Variants in FARSA observed in about 807,000 individuals in gnomAD.
The protein encoded by FARSA is phenylalanyl-tRNA synthetase subunit alpha.
Under a neutral mutation model 63.2 loss-of-function variants are expected in FARSA, and 37 were observed. That is an observed-to-expected ratio of 0.59 (90% CI 0.45 to 0.77). The LOEUF is 0.77. FARSA is among the 30% of genes least tolerant of loss of function. The pLI is 0.00. For synonymous variants in FARSA, 312 were observed against 285.1 expected (o/e 1.09, Z -0.95); for missense variants, 618 against 696.6 (o/e 0.89, Z 1.27).
At chr19:12,930,036 C>A (rs1412027339) in intron 4 of FARSA, among the ~76,000 whole-genome samples, 187 bp downstream of exon 4, 1 of 152,166 alleles carries the variant, frequency 6.6e-6, no homozygotes, top group Non-Finnish European at 1.5e-5. Context: ...GAAAACAGTT[C>A]TCAGCAGAAG....
In FARSA at chr19:12,924,533, GA is replaced by G. The variant is rs1971302230; in HGVS notation, c.1196-8del. ...AAGCGGAGTTGCGTGATACCTGCAG[GA>G]AGTGGGGGGCGGGCAGGAGAGCAGG... is the stretch of plus-strand genomic sequence containing the variant. On this transcript the variant is annotated splice_polypyrimidine_tract_variant and splice_region_variant and intron_variant, in intron 10 of 12. Transcript: ENST00000314606. The surrounding 1 kb of genome is among the most constrained non-coding windows in gnomAD (Gnocchi z 6.4). The G allele has an allele frequency of 6.2e-7, 1 of 1,613,418 alleles. No homozygotes were observed. The highest frequency in any genetic ancestry group is 1.7e-5 in the Admixed American group (1 of 60,002).
chr19:12,927,143 C>T (rs770915938), intron 7 of FARSA, among the ~76,000 whole-genome samples: 1 of 152,166 alleles, frequency 6.6e-6, no homozygotes, highest in African/African-American at 2.4e-5. Flanking sequence ...CTGTAGAACT[C>T]GGGGTGAGCC....
At position 12,922,768 on chromosome 19, in the gene FARSA, G is replaced by A. The variant is rs755136781; in HGVS notation, c.1507C>T (p.Pro503Ser). Residue 503 changes from proline to serine, a missense_variant, in exon 13 of 13, where the codon CCC becomes TCC. Coordinates refer to ENST00000314606, the MANE Select transcript of FARSA (RefSeq NM_004461.3). ...CCATGTCACGCAGCCTCCTGTGTGG[G>A]AGGGGGCCTCGGCTCGGCATCCAGG... ...CRLDAEPRPP[P>S]TQEAA 6.2e-7 allele frequency: 1 copy of A among 1,613,972 alleles called. No individual in the cohort carries two copies. Among genetic ancestry groups the A allele is most frequent in the Non-Finnish European group, 8.5e-7 (1 of 1,180,028 alleles).
chr19:12,928,058 G>T (rs546023264), intron 7 of FARSA, among the ~76,000 whole-genome samples: 1 of 150,246 alleles, frequency 6.7e-6, no homozygotes, highest in African/African-American at 2.5e-5. Context: ...GACTGCAGGT[G>T]GCATAATGAG....
At chr19:12,930,901 G>A (rs865880634) in intron 1 of FARSA, 152 bp from the exon 2 acceptor site, 21 of 822,994 alleles carry the variant, frequency 2.6e-5, no homozygotes, top group Middle Eastern at 7.0e-4. Context: ...GTGGTCTCAA[G>A]GGAAAGACTT....
intron 1 of FARSA, among the ~76,000 whole-genome samples, chr19:12,932,592 T>C (rs1215230254): frequency 1.3e-5 from 2 of 152,118 alleles, no homozygotes; most frequent in Non-Finnish European, 2.9e-5. Flanking sequence ...AGTTGTCACA[T>C]CTGCAAAATG....
chr19:12,930,379 G>A (rs772024068), intron 3 of FARSA, 38 bp from the exon 4 acceptor site: 2 of 1,612,916 alleles, frequency 1.2e-6, no homozygotes, highest in Non-Finnish European at 1.7e-6. Flanking sequence ...TGAGGGCCAG[G>A]GGCCCATGTG....
Position 12,928,683 on chromosome 19 carries a change from C to T in FARSA, c.597-20G>A, listed in dbSNP as rs753075257. 2.5e-6 allele frequency: 4 copies of T among 1,613,402 alleles called. No homozygotes were observed. Among genetic ancestry groups the T allele is most frequent in the Non-Finnish European group, 3.4e-6 (4 of 1,179,712 alleles). ...GAGCCACTGGGGGAGGATGCAAGGG[C>T]CTGGTAAGGGCTGCCCGCCCCTGCC... is the stretch of plus-strand genomic sequence containing the variant. On this transcript the variant is annotated intron_variant, in intron 5 of 12. Coordinates refer to ENST00000314606, the MANE Select transcript of FARSA (RefSeq NM_004461.3).
At chr19:12,926,885 G>A (rs537085250) in intron 7 of FARSA, among the ~76,000 whole-genome samples, 1 of 152,214 alleles carries the variant, frequency 6.6e-6, no homozygotes, top group Non-Finnish European at 1.5e-5. Flanking sequence ...ACTGCTTCCA[G>A]TAGTTGGCAG....
chr19:12,931,143 C>T (rs1971389949), intron 1 of FARSA, among the ~76,000 whole-genome samples: 2 of 152,312 alleles, frequency 1.3e-5, no homozygotes, highest in Non-Finnish European at 2.9e-5. Flanking sequence ...TGTCACTAGG[C>T]TGGGTGCAGT....
intron 12 of FARSA, among the ~76,000 whole-genome samples, chr19:12,923,594 C>G (rs1395072016): frequency 6.6e-6 from 1 of 152,228 alleles, no homozygotes; most frequent in Non-Finnish European, 1.5e-5. Flanking sequence ...ATTCTCCTGC[C>G]TCAGCCTCCT....
At position 12,930,672 on chromosome 19, in the gene FARSA, G is replaced by A; in HGVS notation, c.225C>T (p.Ser75=). The change falls in exon 2 of 13, where the codon AGC becomes AGT. Residue 75 remains serine, a synonymous_variant. Coordinates refer to ENST00000314606, the MANE Select transcript of FARSA (RefSeq NM_004461.3). ...AEGEEIAREG[S]HEARVFRSIP... Reference sequence around the variant, plus strand: ...TGCTTCGAAACACACGGGCCTCATGGCTGCCCTCCCGGGCAATCTCCTCGC... The same window carrying A: ...TGCTTCGAAACACACGGGCCTCATGACTGCCCTCCCGGGCAATCTCCTCGC... The A allele has an allele frequency of 6.2e-7, 1 of 1,613,816 alleles. No homozygotes were observed. The highest frequency in any genetic ancestry group is 8.5e-7 in the Non-Finnish European group (1 of 1,180,020).
At chr19:12,923,352 G>A (rs533534402) in intron 12 of FARSA, among the ~76,000 whole-genome samples, 3 of 152,278 alleles carry the variant, frequency 2.0e-5, no homozygotes, top group East Asian at 3.9e-4. Flanking sequence ...GTGGAGTGCA[G>A]TGGCGTAATC....
At position 12,925,112 on chromosome 19, in the gene FARSA, G is replaced by C; in HGVS notation, c.904C>G (p.Gln302Glu). Residue 302 changes from glutamine to glutamate, a missense_variant, in exon 8 of 13, where the codon CAG becomes GAG. Gln to Glu is a conservative substitution (Grantham distance 29). Coordinates refer to ENST00000314606, the MANE Select transcript of FARSA (RefSeq NM_004461.3). ...YVQRVKRTHSQGGYGSQGYKY... is the reference protein window; with the variant it reads ...YVQRVKRTHSEGGYGSQGYKY... ...CACCCCTGTGAGCCGTAGCCGCCCTGAGAGTGGGTCCGCTTGACCCGCTGG... is the reference window on the plus strand; with the variant it reads ...CACCCCTGTGAGCCGTAGCCGCCCTCAGAGTGGGTCCGCTTGACCCGCTGG... 6.2e-7 allele frequency: 1 copy of C among 1,611,324 alleles called. No individual in the cohort carries two copies. The highest frequency in any genetic ancestry group is 8.5e-7 in the Non-Finnish European group (1 of 1,179,270).
chr19:12,927,946 T>C (rs1344171942), intron 7 of FARSA, among the ~76,000 whole-genome samples: 1 of 134,752 alleles, frequency 7.4e-6, no homozygotes, highest in Non-Finnish European at 1.5e-5. Flanking sequence ...CGCTTGAACC[T>C]GGGAGGCAAA....
At chr19:12,931,227 G>T (rs1292453488) in intron 1 of FARSA, among the ~76,000 whole-genome samples, 1 of 152,054 alleles carries the variant, frequency 6.6e-6, no homozygotes, top group African/African-American at 2.4e-5. Flanking sequence ...GAGTAGCTGG[G>T]ACTACAGGCA....
At chr19:12,928,194 C>T in intron 7 of FARSA, 148 bp downstream of exon 7, 1 of 626,430 alleles carries the variant, frequency 1.6e-6, no homozygotes, top group East Asian at 2.8e-5. Flanking sequence ...ATCCTCCTGC[C>T]TTGGCCTCCC....
intron 1 of FARSA, among the ~76,000 whole-genome samples, chr19:12,931,830 A>AC (rs1353826690): frequency 6.6e-6 from 1 of 152,186 alleles, no homozygotes; most frequent in African/African-American, 2.4e-5. Context: ...AGTAGAGTGC[A>AC]CAGGGCCTGG....
chr19:12,927,114 C>T (rs945348420), intron 7 of FARSA, among the ~76,000 whole-genome samples: 3 of 152,216 alleles, frequency 2.0e-5, no homozygotes, highest in African/African-American at 7.2e-5. Flanking sequence ...GAAGAATGAA[C>T]ACTAGGGGAG....
Sources: gnomAD v4.1 joint callset for allele counts (sites outside exome capture counted in the v4.1 genomes callset) on GRCh38, gnomAD v4.1.1 for gene constraint, Gnocchi (gnomAD v3.1) non-coding constraint, MANE v1.5 for transcripts, NCBI Gene and HGNC (gene_info 2026-07-23, HGNC 2026-07-21) for gene names.